NDC80: variants seen among roughly 807,000 people sequenced by gnomAD.
NDC80 encodes the protein NDC80 kinetochore complex component.
Under a neutral mutation model 89.3 loss-of-function variants are expected in NDC80, and 69 were observed. The ratio of observed to expected loss-of-function variants is 0.77; its 90% CI spans 0.64 to 0.94. NDC80 has a LOEUF of 0.94. Among genes scored for constraint, NDC80 ranks in the 40% least tolerant of loss-of-function variants. NDC80 has a pLI of 0.00. For missense variants in NDC80, 593 were observed against 739.6 expected (o/e 0.80, Z 2.30); for synonymous variants, 243 against 255.6 (o/e 0.95, Z 0.47).
chr18:2,600,361 A>G lies in NDC80; in HGVS notation c.1375-1035A>G, dbSNP rs565897217. ...CAAGGTGGCTCAGGCCTGTAATCCC[A>G]GCACTTTGGGAGGCCTAAGTGGGCA... On this transcript the variant is annotated intron_variant, in intron 12 of 16. Transcript: ENST00000261597. Among the ~76,000 whole-genome samples, 34 of 152,328 alleles carry G rather than the reference A, an allele frequency of 2.2e-4. No homozygotes were observed. The South Asian group carries it at 6.6e-3, about 30-fold the overall frequency.
At chr18:2,598,913 T>G in intron 11 of NDC80, 106 bp from the exon 12 acceptor site, 1 of 1,134,418 alleles carries the variant, frequency 8.8e-7, no homozygotes. Context: ...AGTAAACTAC[T>G]AAAAATAGGT....
chr18:2,615,856 C>T (rs978742346), intron 16 of NDC80, among the ~76,000 whole-genome samples: 1 of 151,646 alleles, frequency 6.6e-6, no homozygotes, highest in Non-Finnish European at 1.5e-5. Flanking sequence ...AAGGTGAAAA[C>T]CAGGTACTAT....
At chr18:2,594,486 A>G (rs1419202724) in intron 10 of NDC80, 3 of 163,096 alleles carry the variant, frequency 1.8e-5, no homozygotes, top group Non-Finnish European at 1.4e-5. Flanking sequence ...AACCTTAGAA[A>G]AAAACCCACT....
rs1424672995 is a variant in NDC80, at chr18:2,577,460, C to T, written c.180-286C>T. The T allele has an allele frequency of 2.0e-5, 5 of 250,474 alleles. No individual in the cohort carries two copies. In the East Asian group the frequency reaches 2.8e-4, roughly 14 times the overall value. The allele number at this position is 250,474 out of a possible 1,614,324, so 15.5% of individuals were successfully genotyped here. On this transcript the variant is annotated intron_variant, in intron 3 of 16. Transcript: ENST00000261597. The stretch of plus-strand genomic sequence containing the variant: ...TTGAACTCCTGACCTCGTGATCCAC[C>T]GCCTCAGCCTCCCAAAGTGCTGGGA...
chr18:2,592,049 C>T (rs1207134210), intron 10 of NDC80, among the ~76,000 whole-genome samples: 7 of 152,078 alleles, frequency 4.6e-5, no homozygotes, highest in Non-Finnish European at 8.8e-5. Flanking sequence ...CCACAGCACC[C>T]GGCCTTTAAT....
In NDC80 at chr18:2,601,082, G is replaced by A. The variant is rs559543541; in HGVS notation, c.1375-314G>A. On this transcript the variant is annotated intron_variant, in intron 12 of 16. Transcript: ENST00000261597. Reference sequence around the variant, plus strand: ...TAAAAATACAACCTACATATGAATTGTTTTCAAAAAAAATACTGCAGTAAA... The same window carrying A: ...TAAAAATACAACCTACATATGAATTATTTTCAAAAAAAATACTGCAGTAAA... 4.9e-4 allele frequency among the ~76,000 whole-genome samples: 75 copies of A among 151,994 alleles called. 1 individual carries two copies. The highest frequency in any genetic ancestry group is 1.7e-3 in the African/African-American group (69 of 41,446).
chr18:2,614,957 C>A (rs944071659), intron 16 of NDC80: 1 of 152,102 alleles, frequency 6.6e-6, no homozygotes, highest in Non-Finnish European at 1.5e-5. Flanking sequence ...CGGACAGAGG[C>A]GGATGCTGGG....
chr18:2,581,813 ACTT>A (rs541487722), intron 6 of NDC80, among the ~76,000 whole-genome samples: 102 of 152,080 alleles, frequency 6.7e-4, no homozygotes, highest in African/African-American at 2.3e-3. Flanking sequence ...GAACATTCTT[ACTT>A]CTTTTCACAA....
intron 11 of NDC80, among the ~76,000 whole-genome samples, chr18:2,597,807 A>G (rs2072665046): frequency 6.6e-6 from 1 of 152,136 alleles, no homozygotes; most frequent in African/African-American, 2.4e-5. Flanking sequence ...GGTAGAGCGA[A>G]TGAAACTTGA....
At chr18:2,599,756 A>C (rs2072675097) in intron 12 of NDC80, among the ~76,000 whole-genome samples, 1 of 152,256 alleles carries the variant, frequency 6.6e-6, no homozygotes, top group Admixed American at 6.5e-5. Flanking sequence ...AGTTATTTAT[A>C]GATTTTAGTA....
chr18:2,603,347 A>G (rs1425268085), intron 13 of NDC80, among the ~76,000 whole-genome samples: 1 of 123,590 alleles, frequency 8.1e-6, no homozygotes, highest in Non-Finnish European at 1.7e-5. Context: ...AGAAGAGAAT[A>G]TGTTTATACA....
chr18:2,579,233 T>C (rs74691489), intron 6 of NDC80: 4,192 of 383,054 alleles, frequency 0.011, 167 homozygotes, highest in East Asian at 0.095. Flanking sequence ...AGATTATTTA[T>C]TATCATGAGG....
intron 14 of NDC80, among the ~76,000 whole-genome samples, chr18:2,608,165 A>T (rs1451234392): frequency 1.3e-5 from 2 of 149,822 alleles, no homozygotes; most frequent in African/African-American, 2.4e-5. Context: ...GCTTATATAT[A>T]TTTTAAATTT....
At chr18:2,593,698 T>G (rs1332950534) in intron 10 of NDC80, 1 of 192,684 alleles carries the variant, frequency 5.2e-6, no homozygotes. Context: ...AATAAGCATC[T>G]GTATCCTGAT....
intron 7 of NDC80, among the ~76,000 whole-genome samples, 167 bp downstream of exon 7, chr18:2,585,369 A>G (rs1013031254): frequency 3.3e-5 from 5 of 152,238 alleles, no homozygotes; most frequent in African/African-American, 1.2e-4. Context: ...GCCAAACGTC[A>G]TAGCTTGGCC....
chr18:2,573,187 T>G, intron 2 of NDC80, 101 bp downstream of exon 2: 1 of 930,454 alleles, frequency 1.1e-6, no homozygotes, highest in Non-Finnish European at 1.6e-6. Context: ...AGTGATGTCT[T>G]GGTGAATCTT....
At chr18:2,575,560 C>T (rs940114139) in intron 3 of NDC80, among the ~76,000 whole-genome samples, 1 of 151,660 alleles carries the variant, frequency 6.6e-6, no homozygotes, top group Non-Finnish European at 1.5e-5. Context: ...GATCTTGAGT[C>T]CAAGAGTTCG....
rs756948861 is a variant in NDC80, at chr18:2,610,755, A to G, written c.1689-4A>G. ...CAACTTAAACAAGAGTTTTTGTTCT[A>G]CAGATACCAACTAGTTGTGCAAACC... On this transcript the variant is annotated splice_region_variant and splice_polypyrimidine_tract_variant and intron_variant, in intron 15 of 16. Transcript: ENST00000261597. 9 of 1,573,718 alleles carry G rather than the reference A, an allele frequency of 5.7e-6. No individual in the cohort carries two copies. Among genetic ancestry groups the G allele is most frequent in the Non-Finnish European group, 7.8e-6 (9 of 1,152,090 alleles).
chr18:2,576,214 C>G (rs550857802), intron 3 of NDC80, among the ~76,000 whole-genome samples: 2 of 152,064 alleles, frequency 1.3e-5, no homozygotes, highest in African/African-American at 2.4e-5. Flanking sequence ...CTATATCTGT[C>G]AAAATTAACC....
Sources: allele counts gnomAD v4.1 joint callset (sites outside exome capture counted in the v4.1 genomes callset), GRCh38; gene constraint gnomAD v4.1.1; transcripts MANE v1.5; gene names NCBI Gene and HGNC (gene_info 2026-07-23, HGNC 2026-07-21).